The following DGKB variants were observed in gnomAD, a reference collection of about 807,000 sequenced individuals.
DGKB encodes the protein diacylglycerol kinase beta.
A neutral mutation model predicts 114.3 loss-of-function variants in DGKB; 67 were observed. The observed-to-expected ratio is 0.59, with a 90% CI of 0.48 to 0.72. The LOEUF (loss-of-function observed/expected upper bound fraction) is 0.72. Ranked by LOEUF, DGKB falls within the 30% of genes least tolerant of loss-of-function variation. DGKB has a pLI of 0.00. For synonymous variants in DGKB, 398 were observed against 323.1 expected (o/e 1.23, Z -2.49); for missense variants, 907 against 975.2 (o/e 0.93, Z 0.93).
chr7:14,619,430 C>G (rs1165539989), intron 15 of DGKB, among the ~76,000 whole-genome samples: 22 of 151,394 alleles, frequency 1.5e-4, no homozygotes, highest in Admixed American at 1.5e-3. Context: ...AGGTTTAAAA[C>G]CTTTAAAACA....
intron 1 of DGKB, among the ~76,000 whole-genome samples, chr7:14,891,881 G>A (rs1781287572): frequency 1.3e-5 from 2 of 151,302 alleles, no homozygotes; most frequent in South Asian, 4.2e-4. Flanking sequence ...GTCAGACTGA[G>A]ATGAGAGATC....
intron 23 of DGKB, among the ~76,000 whole-genome samples, chr7:14,331,396 G>C (rs571589892): frequency 6.6e-6 from 1 of 151,688 alleles, no homozygotes; most frequent in Non-Finnish European, 1.5e-5. Flanking sequence ...TCTGCTTGCC[G>C]GTGTTTGAAC....
At chr7:14,427,015 G>T (rs907242435) in intron 21 of DGKB, among the ~76,000 whole-genome samples, 23 of 151,950 alleles carry the variant, frequency 1.5e-4, no homozygotes, top group African/African-American at 5.6e-4. Flanking sequence ...AGCCAAGATA[G>T]TGTCACTGCA....
chr7:14,432,518 A>C (rs1828615543), intron 21 of DGKB, among the ~76,000 whole-genome samples: 1 of 152,084 alleles, frequency 6.6e-6, no homozygotes, highest in Admixed American at 6.6e-5. Flanking sequence ...TCCTACTTCT[A>C]CTTCCTCAGA....
rs551867402 is a variant in DGKB at position 14,744,050 on chromosome 7, A to T, written c.169-7856T>A. ...TAGAAAACTGAAGTAATCTTTTTTT[A>T]AAACCTTTTGCTTGAAACATTGCTG... On this transcript the variant is annotated intron_variant, in intron 4 of 25. Transcript: ENST00000402815. Among the ~76,000 whole-genome samples the T allele has an allele frequency of 6.1e-4, 92 of 150,866 alleles. No individual in the cohort carries two copies. The South Asian group carries it at 0.013, about 21-fold the overall frequency.
intron 20 of DGKB, among the ~76,000 whole-genome samples, chr7:14,513,839 A>C (rs1788358059): frequency 6.6e-6 from 1 of 152,044 alleles, no homozygotes; most frequent in Non-Finnish European, 1.5e-5. Context: ...TGTTTTCTAA[A>C]TATAAAAATG....
At chr7:14,342,947 G>A (rs1811852763) in intron 22 of DGKB, among the ~76,000 whole-genome samples, 1 of 151,814 alleles carries the variant, frequency 6.6e-6, no homozygotes, top group Non-Finnish European at 1.5e-5. Flanking sequence ...TTTTACTGAA[G>A]TAGTTTATTC....
intron 12 of DGKB, 47 bp from the exon 13 acceptor site, chr7:14,673,074 C>A: frequency 3.8e-6 from 4 of 1,065,708 alleles, no homozygotes; most frequent in South Asian, 1.4e-5. Context: ...CATGACAACG[C>A]CTAACATGGG....
chr7:14,313,603 T>G (rs1181254060), intron 23 of DGKB, among the ~76,000 whole-genome samples: 1 of 152,168 alleles, frequency 6.6e-6, no homozygotes, highest in Non-Finnish European at 1.5e-5. Context: ...ACCACGAGAT[T>G]ATATCCGCAC....
intron 1 of DGKB, among the ~76,000 whole-genome samples, chr7:14,944,766 C>A (rs940161371): frequency 2.0e-5 from 3 of 151,290 alleles, no homozygotes; most frequent in African/African-American, 7.3e-5. Flanking sequence ...CAGACCCCCA[C>A]AATCAATAGA....
intron 2 of DGKB, among the ~76,000 whole-genome samples, chr7:14,769,626 A>T (rs971998201): frequency 6.6e-6 from 1 of 152,080 alleles, no homozygotes; most frequent in Non-Finnish European, 1.5e-5. Flanking sequence ...GTTACCACAA[A>T]CCTGGTGATT....
intron 1 of DGKB, among the ~76,000 whole-genome samples, chr7:14,854,408 C>T (rs368604401): frequency 2.0e-5 from 3 of 152,110 alleles, no homozygotes; most frequent in African/African-American, 7.2e-5. Context: ...CACCAGGGAC[C>T]GGTTTCGTGA....
At chr7:14,468,295 T>A (rs563597119) in intron 21 of DGKB, among the ~76,000 whole-genome samples, 31 of 152,186 alleles carry the variant, frequency 2.0e-4, no homozygotes, top group African/African-American at 7.5e-4. Flanking sequence ...CATTGTCTAA[T>A]TAGTTTAGAG....
chr7:14,456,937 G>C (rs1198741290), intron 21 of DGKB, among the ~76,000 whole-genome samples: 2 of 152,022 alleles, frequency 1.3e-5, no homozygotes, highest in Non-Finnish European at 2.9e-5. Flanking sequence ...ATGAAGAAAA[G>C]AGATAGGACC....
intron 2 of DGKB, among the ~76,000 whole-genome samples, chr7:14,760,245 A>T (rs1835492744): frequency 6.6e-6 from 1 of 152,024 alleles, no homozygotes; most frequent in Non-Finnish European, 1.5e-5. Flanking sequence ...TTAATTTTTT[A>T]TGTCATGTCC....
In DGKB at chr7:14,257,993, G is replaced by A. The variant is rs547053867; in HGVS notation, c.2123-79842C>T. On this transcript the variant is annotated intron_variant, in intron 23 of 25. Coordinates refer to ENST00000402815, the MANE Select transcript of DGKB (RefSeq NM_001350709.2). ...TCCACTTGCCTCGGCCTCCCAAAGT[G>A]CTGGGATTGCAGGCGTGAGCCAATC... Among the ~76,000 whole-genome samples, 468 of 152,280 alleles carry A rather than the reference G, an allele frequency of 3.1e-3. 1 individual carries two copies. Among genetic ancestry groups the A allele is most frequent in the Non-Finnish European group, 5.5e-3 (374 of 68,032 alleles).
intron 1 of DGKB, among the ~76,000 whole-genome samples, chr7:14,899,682 A>G (rs569127552): frequency 6.6e-6 from 1 of 152,220 alleles, no homozygotes; most frequent in Admixed American, 6.6e-5. Context: ...GCAAAGCCTG[A>G]AATTGGAATC....
chr7:14,633,886 A>G (rs1810230410), intron 13 of DGKB, among the ~76,000 whole-genome samples: 1 of 151,640 alleles, frequency 6.6e-6, no homozygotes, highest in South Asian at 2.1e-4. Flanking sequence ...TTAATATCAA[A>G]GAATTTTTTA....
intron 6 of DGKB, among the ~76,000 whole-genome samples, chr7:14,702,853 G>C (rs75094717): frequency 0.013 from 1,960 of 152,086 alleles, 53 homozygotes; most frequent in African/African-American, 0.044. Flanking sequence ...TGCATAATTA[G>C]TCTATATATT....
Sources: gnomAD v4.1 joint callset for allele counts (sites outside exome capture counted in the v4.1 genomes callset) on GRCh38, gnomAD v4.1.1 for gene constraint, MANE v1.5 for transcripts, NCBI Gene and HGNC (gene_info 2026-07-23, HGNC 2026-07-21) for gene names.